CARD14: variants seen among roughly 807,000 people sequenced by gnomAD.
The protein encoded by CARD14 is caspase recruitment domain family member 14, also known as caspase recruitment domain-containing protein 14.
CARD14 carries 107 observed loss-of-function variants against 111.5 expected under a neutral mutation model. The observed-to-expected ratio is 0.96, with a 90% CI of 0.82 to 1.13. The LOEUF is 1.13. Ranked by LOEUF, CARD14 falls within the 50% of genes most tolerant of loss-of-function variation. CARD14 has a pLI of 0.00. For synonymous variants in CARD14, 617 were observed against 579.6 expected (o/e 1.06, Z -0.93); for missense variants, 1,322 against 1,362.3 (o/e 0.97, Z 0.47).
Position 80,208,112 on chromosome 17 carries a change from GC to G in CARD14, c.2808-18del, listed in dbSNP as rs750926227. On this transcript the variant is annotated intron_variant, in intron 23 of 23. Transcript: ENST00000648509. ...TGGGCCCTTGCTCTCCCCTGAGCCC[GC>G]CCCCCCCAACTCTGGCCTGTGCAGG... 2.5e-4 allele frequency: 300 copies of G among 1,217,262 alleles called. 1 individual carries two copies. In the Middle Eastern group the frequency reaches 4.6e-3, roughly 19 times the overall value. The allele number at this position is 1,217,262 out of a possible 1,614,324, so 75.4% of individuals were successfully genotyped here. A position where few individuals can be genotyped will look rare whatever the true frequency, so the allele number is the denominator to read the frequency against.
chr17:80,208,700 C>T lies in CARD14; in HGVS notation c.*355C>T, dbSNP rs370386884. ...CTGGAAAACCGCCTGTCTGCAGGCC[C>T]GATTCAAATCTATGGGGGCTGCACT... On this transcript the variant is annotated 3_prime_UTR_variant, in exon 24 of 24. Transcript: ENST00000648509. The T allele has an allele frequency of 2.3e-5, 5 of 220,818 alleles. No individual in the cohort carries two copies. Among genetic ancestry groups the T allele is most frequent in the East Asian group, 1.0e-4 (1 of 10,044 alleles). The allele number at this position is 220,818 out of a possible 1,614,324, so 13.7% of individuals were successfully genotyped here. A position where few individuals can be genotyped will look rare whatever the true frequency, so the allele number is the denominator to read the frequency against.
chr17:80,202,159 G>T, intron 17 of CARD14, 21 bp from the exon 18 acceptor site: 2 of 1,595,478 alleles, frequency 1.3e-6, no homozygotes, highest in Non-Finnish European at 1.7e-6. Flanking sequence ...CTCATCTGTG[G>T]CTCATGTCCC....
At chr17:80,172,513 C>T (rs1296018411) in intron 1 of CARD14, among the ~76,000 whole-genome samples, 1 of 152,216 alleles carries the variant, frequency 6.6e-6, no homozygotes, top group African/African-American at 2.4e-5. Flanking sequence ...CCTGGGCTCC[C>T]ACCCTCTCCA....
chr17:80,208,126 T>G lies in CARD14; in HGVS notation c.2808-12T>G. 2 of 1,470,802 alleles carry G rather than the reference T, an allele frequency of 1.4e-6. No individual in the cohort carries two copies. The highest frequency in any genetic ancestry group is 2.6e-5 in the East Asian group (1 of 38,066). The allele number at this position is 1,470,802 out of a possible 1,614,324, so 91.1% of individuals were successfully genotyped here. A position where few individuals can be genotyped will look rare whatever the true frequency, so the allele number is the denominator to read the frequency against. On this transcript the variant is annotated splice_polypyrimidine_tract_variant and intron_variant, in intron 23 of 23. Transcript: ENST00000648509. Reference sequence around the variant, plus strand: ...CCCCTGAGCCCGCCCCCCCCAACTCTGGCCTGTGCAGGAAGGGCCTACAGC... The same window carrying G: ...CCCCTGAGCCCGCCCCCCCCAACTCGGGCCTGTGCAGGAAGGGCCTACAGC...
rs916779181 is a variant in CARD14 at position 80,190,693 on chromosome 17, C to T, written c.964-81C>T. ...CCTAGAACTGTCTCCCTCCCTCCAC[C>T]CCTGGGTTCCCCGACCCCCTTCTAA... On this transcript the variant is annotated intron_variant, in intron 9 of 23. Transcript: ENST00000648509. 1.9e-5 allele frequency: 29 copies of T among 1,550,670 alleles called. No homozygotes were observed. In the Admixed American group the frequency reaches 5.1e-4, roughly 28 times the overall value.
At position 80,190,848 on chromosome 17, in the gene CARD14, G is replaced by A. The variant is rs2040502695; in HGVS notation, c.1038G>A (p.Lys346=). ...TGGCCTGCCAACTCTACAGGGAGAA[G>A]GTGAATGCGCTGCAGGCCCAGGTGT... ...SKMACQLYRE[K]VNALQAQVCE... Residue 346 remains lysine (K), a synonymous_variant, in exon 10 of 24, where the codon AAG becomes AAA. Coordinates refer to ENST00000648509, the MANE Select transcript of CARD14 (RefSeq NM_001366385.1). 2 of 1,614,026 alleles carry A rather than the reference G, an allele frequency of 1.2e-6. No homozygotes were observed. The highest frequency in any genetic ancestry group is 1.3e-5 in the African/African-American group (1 of 74,926).
At position 80,195,065 on chromosome 17, in the gene CARD14, CTT is replaced by C; in HGVS notation, c.1357-124_1357-123del. The C allele has an allele frequency of 7.8e-7, 1 of 1,274,964 alleles. No individual in the cohort carries two copies. The highest frequency in any genetic ancestry group is 1.5e-5 in the South Asian group (1 of 67,296). 79.0% of individuals were successfully genotyped at this position (1,274,964 alleles called of 1,614,324 possible). On this transcript the variant is annotated intron_variant, in intron 12 of 23. Coordinates refer to ENST00000648509, the MANE Select transcript of CARD14 (RefSeq NM_001366385.1). The surrounding 1 kb of genome is among the most constrained non-coding windows in gnomAD (Gnocchi z 4.7). The stretch of plus-strand genomic sequence containing the variant: ...CGCATGTGACCCCATGTGTGTCCTT[CTT>C]TCCCCTCCTGCCTCCTCTCCAGTCA...
chr17:80,187,924 G>A lies in CARD14; in HGVS notation c.676-453G>A, dbSNP rs145676139. The A allele has an allele frequency of 9.1e-6, 9 of 985,860 alleles. No individual in the cohort carries two copies. In the East Asian group the frequency reaches 9.1e-4, roughly 99 times the overall value. The allele number at this position is 985,860 out of a possible 1,614,324, so 61.1% of individuals were successfully genotyped here. ...AACAGCCCCGGTCCCGCGTTCCCAG[G>A]CACGTCTACCCCTCCGACCTGACTT... On this transcript the variant is annotated intron_variant, in intron 7 of 23. Transcript: ENST00000648509.
At position 80,179,096 on chromosome 17, in the gene CARD14, A is replaced by C. The variant is rs1321604717; in HGVS notation, c.-218-8A>C. On this transcript the variant is annotated splice_region_variant and splice_polypyrimidine_tract_variant and intron_variant, in intron 3 of 23. Coordinates refer to ENST00000648509, the MANE Select transcript of CARD14 (RefSeq NM_001366385.1). Reference sequence around the variant, plus strand: ...TGTTGATTTGCTCTGATTTTCAAGTATTTTTAGCATACAGATCCCTGCAAG... The same window carrying C: ...TGTTGATTTGCTCTGATTTTCAAGTCTTTTTAGCATACAGATCCCTGCAAG... 6.6e-6 allele frequency: 1 copy of C among 152,166 alleles called. No individual in the cohort carries two copies. The highest frequency in any genetic ancestry group is 1.9e-4 in the East Asian group (1 of 5,198). The allele number at this position is 152,166 out of a possible 1,614,324, so 9.4% of individuals were successfully genotyped here.
chr17:80,191,367 C>T lies in CARD14; in HGVS notation c.1134C>T (p.Ser378=). Residue 378 remains serine, a synonymous_variant, in exon 11 of 24, where the codon AGC becomes AGT. Transcript: ENST00000648509. ...RDSAQREISQ[S]LVEKDSLRRQ... ...GTGCTCAGAGGGAGATTTCCCAGAG[C>T]CTGGTGGAGAAGGACTCCCTCCGCA... The T allele has an allele frequency of 6.2e-7, 1 of 1,613,916 alleles. No individual in the cohort carries two copies. Among genetic ancestry groups the T allele is most frequent in the Non-Finnish European group, 8.5e-7 (1 of 1,179,982 alleles).
chr17:80,189,844 C>CT lies in CARD14; in HGVS notation c.935_936insT (p.Val313ArgfsTer25). ...CGCATCCACTCGCTGCGGGAGCGGG[C>CT]CGTGGCTGCCGAGAGGCAGCGAGAG... On this transcript the variant is annotated frameshift_variant, in exon 9 of 24. Coordinates refer to ENST00000648509, the MANE Select transcript of CARD14 (RefSeq NM_001366385.1). LOFTEE classifies it high-confidence loss of function. The surrounding 1 kb of genome is among the most constrained non-coding windows in gnomAD (Gnocchi z 4.7). The CT allele has an allele frequency of 6.3e-7, 1 of 1,591,974 alleles. No homozygotes were observed.
chr17:80,183,426 T>C (rs2040235779), intron 6 of CARD14, among the ~76,000 whole-genome samples: 1 of 152,212 alleles, frequency 6.6e-6, no homozygotes, highest in African/African-American at 2.4e-5. Flanking sequence ...TTCGTATTCT[T>C]TTTTTATCTT....
intron 1 of CARD14, 88 bp downstream of exon 1, chr17:80,170,144 G>A (rs2039860197): frequency 6.8e-6 from 1 of 147,162 alleles, no homozygotes; most frequent in African/African-American, 2.5e-5. Context: ...CAGGTCTGAT[G>A]GGGCCCGAGA....
intron 7 of CARD14, among the ~76,000 whole-genome samples, chr17:80,185,265 T>C (rs1383635387): frequency 6.6e-6 from 1 of 152,104 alleles, no homozygotes; most frequent in Non-Finnish European, 1.5e-5. Context: ...TTGCCCAGGC[T>C]GGTCTCGGAC....
intron 23 of CARD14, chr17:80,207,801 G>C (rs1428085091): frequency 1.1e-5 from 3 of 279,438 alleles, no homozygotes; most frequent in African/African-American, 6.5e-5. Flanking sequence ...CCCGGCCTCA[G>C]CTCCACTGAC....
At chr17:80,176,314 A>T (rs1282522954) in intron 2 of CARD14, among the ~76,000 whole-genome samples, 4 of 151,280 alleles carry the variant, frequency 2.6e-5, no homozygotes, top group Non-Finnish European at 5.9e-5. Context: ...GGGGGCACAT[A>T]TCTGTATTCC....
intron 20 of CARD14, 190 bp downstream of exon 20, chr17:80,204,531 G>C: frequency 1.9e-6 from 1 of 527,040 alleles, no homozygotes; most frequent in Non-Finnish European, 3.3e-6. Flanking sequence ...GGCTGAGGCA[G>C]GAGAATCGCC....
In CARD14 at chr17:80,204,314, G is replaced by A. The variant is rs761853579; in HGVS notation, c.2371G>A (p.Gly791Ser). The A allele has an allele frequency of 3.1e-6, 5 of 1,589,940 alleles. No individual in the cohort carries two copies. The South Asian group carries it at 3.4e-5, about 11-fold the overall frequency. Residue 791 changes from glycine to serine, a missense_variant, in exon 20 of 24, where the codon GGC becomes AGC. By Grantham distance (56) the Gly-to-Ser change is moderately conservative. Transcript: ENST00000648509. ...ASPLRLSFDRGQLDPSRMEGS... is the reference protein window; with the variant it reads ...ASPLRLSFDRSQLDPSRMEGS... ...CCCTCTGCGTTTGTCCTTTGACAGG[G>A]GCCAGTTGGACCCCAGCAGGATGGA...
In CARD14 at chr17:80,189,662, G is replaced by A. The variant is rs772044816; in HGVS notation, c.844-91G>A. The stretch of plus-strand genomic sequence containing the variant: ...ACTGCATCCGTCCACACACCTGACC[G>A]TGCAGTTGCCGCCATCTTCTCGGGA... On this transcript the variant is annotated intron_variant, in intron 8 of 23. Coordinates refer to ENST00000648509, the MANE Select transcript of CARD14 (RefSeq NM_001366385.1). The surrounding 1 kb of genome is among the most constrained non-coding windows in gnomAD (Gnocchi z 4.7). 78 of 1,384,212 alleles carry A rather than the reference G, an allele frequency of 5.6e-5. No individual in the cohort carries two copies. The highest frequency in any genetic ancestry group is 6.8e-5 in the Non-Finnish European group (72 of 1,058,610). 85.7% of individuals were successfully genotyped at this position (1,384,212 alleles called of 1,614,324 possible).
Sources: allele counts gnomAD v4.1 joint callset (sites outside exome capture counted in the v4.1 genomes callset), GRCh38; gene constraint gnomAD v4.1.1; non-coding constraint Gnocchi (gnomAD v3.1); transcripts MANE v1.5; gene names NCBI Gene and HGNC (gene_info 2026-07-23, HGNC 2026-07-21).